Variants in NTRK2 observed in about 807,000 individuals in gnomAD.
The protein encoded by NTRK2 is BDNF/NT-3 growth factors receptor.
NTRK2 carries 13 observed loss-of-function variants against 94.5 expected under a neutral mutation model. The observed-to-expected ratio is 0.14, with a 90% CI of 0.09 to 0.22. The LOEUF is 0.22. NTRK2 is among the 10% of genes least tolerant of loss of function. NTRK2 has a pLI of 1.00. For missense variants in NTRK2, 639 were observed against 1,071.2 expected (o/e 0.60, Z 5.63); for synonymous variants, 372 against 407.4 (o/e 0.91, Z 1.05).
intron 14 of NTRK2, among the ~76,000 whole-genome samples, chr9:84,904,725 A>T (rs1265705721): frequency 1.3e-5 from 2 of 152,224 alleles, no homozygotes; most frequent in Non-Finnish European, 2.9e-5. Context: ...CTATAGTAAC[A>T]ATCTTATAAA....
intron 17 of NTRK2, among the ~76,000 whole-genome samples, chr9:84,960,978 G>C (rs1044585633): frequency 6.6e-6 from 1 of 152,162 alleles, no homozygotes; most frequent in Non-Finnish European, 1.5e-5. Flanking sequence ...AAGGTACTCA[G>C]ATTTGTATTT....
intron 14 of NTRK2, among the ~76,000 whole-genome samples, chr9:84,923,996 G>A (rs544400820): frequency 6.6e-6 from 1 of 152,132 alleles, no homozygotes; most frequent in African/African-American, 2.4e-5. Context: ...GTTTTTGTGG[G>A]GAGGGCACAT....
intron 12 of NTRK2, among the ~76,000 whole-genome samples, chr9:84,854,946 C>T (rs1449739437): frequency 1.6e-5 from 1 of 63,376 alleles, no homozygotes. Flanking sequence ...GACTCCGTCT[C>T]AAAAAAAAAA....
At chr9:84,887,719 C>A (rs2076460924) in intron 14 of NTRK2, among the ~76,000 whole-genome samples, 1 of 152,178 alleles carries the variant, frequency 6.6e-6, no homozygotes, top group Non-Finnish European at 1.5e-5. Context: ...AGCAGATAGA[C>A]ATCTCCAGCA....
intron 17 of NTRK2, among the ~76,000 whole-genome samples, chr9:84,956,533 T>A (rs1824152459): frequency 6.6e-6 from 1 of 152,234 alleles, no homozygotes; most frequent in South Asian, 2.1e-4. Flanking sequence ...TTGTGTGTTT[T>A]GCTGTTTTTC....
rs147766910 is a variant in NTRK2 at position 84,754,652 on chromosome 9, C to T, written c.1396+2567C>T. ...ATTAGTTGTGGTTTCTTAGTAACAA[C>T]GGTATGAACTGTGCATAGCTTTGGC... On this transcript the variant is annotated intron_variant, in intron 12 of 18. Transcript: ENST00000277120. Among the ~76,000 whole-genome samples the T allele has an allele frequency of 1.7e-3, 266 of 152,270 alleles. 1 individual carries two copies. The highest frequency in any genetic ancestry group is 5.8e-3 in the African/African-American group (241 of 41,550).
chr9:84,838,897 T>G (rs866761232), intron 12 of NTRK2, among the ~76,000 whole-genome samples: 1 of 149,262 alleles, frequency 6.7e-6, no homozygotes. Context: ...GAAGCCTTAA[T>G]GATTTTTTTT....
intron 12 of NTRK2, among the ~76,000 whole-genome samples, chr9:84,829,608 G>A (rs1027893168): frequency 1.8e-4 from 28 of 152,228 alleles, no homozygotes; most frequent in Admixed American, 9.8e-4. Context: ...GCGATGTTCC[G>A]CCTGTTTGCA....
At chr9:84,760,132 T>C (rs535374583) in intron 12 of NTRK2, among the ~76,000 whole-genome samples, 17 of 152,334 alleles carry the variant, frequency 1.1e-4, no homozygotes, top group Admixed American at 2.0e-4. Flanking sequence ...TGAAGACATA[T>C]GAATCAAACA....
intron 6 of NTRK2, among the ~76,000 whole-genome samples, chr9:84,717,118 G>A (rs542192510): frequency 3.3e-5 from 5 of 152,262 alleles, no homozygotes; most frequent in African/African-American, 7.2e-5. Flanking sequence ...GTTCTGTTAT[G>A]TGTGCACAAA....
chr9:84,877,744 G>A lies in NTRK2; in HGVS notation c.1633+10313G>A, dbSNP rs140529278. 748 of 1,057,566 alleles carry A rather than the reference G, an allele frequency of 7.1e-4. 5 individuals carry two copies. The African/African-American group carries it at 0.011, about 16-fold the overall frequency. 65.5% of individuals were successfully genotyped at this position (1,057,566 alleles called of 1,614,324 possible). Reference sequence around the variant, plus strand: ...CTCTTCCTATGTTCAGAAACTCCAGGGCTTGCCCACGTGTATGTATGAGTG... The same window carrying A: ...CTCTTCCTATGTTCAGAAACTCCAGAGCTTGCCCACGTGTATGTATGAGTG... On this transcript the variant is annotated intron_variant, in intron 14 of 18. Coordinates refer to ENST00000277120, the MANE Select transcript of NTRK2 (RefSeq NM_006180.6).
intron 14 of NTRK2, among the ~76,000 whole-genome samples, chr9:84,929,245 A>G (rs2077932642): frequency 6.6e-6 from 1 of 152,128 alleles, no homozygotes; most frequent in South Asian, 2.1e-4. Context: ...TTGCGACACA[A>G]TGCATTTTTC....
intron 2 of NTRK2, among the ~76,000 whole-genome samples, chr9:84,696,845 C>T (rs956146376): frequency 6.6e-6 from 1 of 152,134 alleles, no homozygotes; most frequent in African/African-American, 2.4e-5. Flanking sequence ...TGATAAGACT[C>T]TATCATATAA....
chr9:84,786,878 C>G (rs561552401), intron 12 of NTRK2, among the ~76,000 whole-genome samples: 2 of 152,106 alleles, frequency 1.3e-5, no homozygotes, highest in Non-Finnish European at 2.9e-5. Flanking sequence ...AATCCACTCT[C>G]GATTTTCATC....
intron 17 of NTRK2, among the ~76,000 whole-genome samples, chr9:84,970,314 G>T (rs1367454464): frequency 2.0e-5 from 3 of 151,946 alleles, no homozygotes; most frequent in African/African-American, 4.8e-5. Context: ...TGAGGAGGTT[G>T]CAGTGAACTG....
chr9:84,772,814 G>A (rs1055549707), intron 12 of NTRK2, among the ~76,000 whole-genome samples: 1 of 152,188 alleles, frequency 6.6e-6, no homozygotes, highest in Non-Finnish European at 1.5e-5. Flanking sequence ...GAGGCATGAA[G>A]GCTCGTGTTG....
At chr9:84,717,740 C>T (rs897455553) in intron 6 of NTRK2, among the ~76,000 whole-genome samples, 2 of 152,174 alleles carry the variant, frequency 1.3e-5, no homozygotes, top group South Asian at 2.1e-4. Flanking sequence ...CTATCATCAA[C>T]AAGAATAGTT....
chr9:84,680,266 A>G (rs1298574620), intron 2 of NTRK2, among the ~76,000 whole-genome samples: 1 of 152,226 alleles, frequency 6.6e-6, no homozygotes, highest in African/African-American at 2.4e-5. Context: ...CTAGCAAGAG[A>G]CAGATGCATA....
At position 84,813,981 on chromosome 9, in the gene NTRK2, G is replaced by A. The variant is rs199676520; in HGVS notation, c.1397-47059G>A. 2.2e-5 allele frequency: 23 copies of A among 1,065,150 alleles called. No individual in the cohort carries two copies. In the South Asian group the frequency reaches 5.5e-4, roughly 25 times the overall value. The allele number at this position is 1,065,150 out of a possible 1,614,324, so 66.0% of individuals were successfully genotyped here. Reference sequence around the variant, plus strand: ...TCACATGAGACACTGACTCTGTGACGACAAAAGTACAAACAGTCTGAGGCT... The same window carrying A: ...TCACATGAGACACTGACTCTGTGACAACAAAAGTACAAACAGTCTGAGGCT... On this transcript the variant is annotated intron_variant, in intron 12 of 18. Coordinates refer to ENST00000277120, the MANE Select transcript of NTRK2 (RefSeq NM_006180.6).
Sources: allele counts gnomAD v4.1 joint callset (sites outside exome capture counted in the v4.1 genomes callset), GRCh38; gene constraint gnomAD v4.1.1; transcripts MANE v1.5; gene names NCBI Gene and HGNC (gene_info 2026-07-23, HGNC 2026-07-21).